MC2R: variants seen among roughly 807,000 people sequenced by gnomAD.
MC2R encodes adrenocorticotropic hormone receptor.
MC2R carries 9 observed loss-of-function variants against 9.8 expected under a neutral mutation model. That is an observed-to-expected ratio of 0.92 (90% confidence interval 0.55 to 1.60). The LOEUF is 1.60. Ranked by LOEUF, MC2R falls within the 40% of genes most tolerant of loss-of-function variation. MC2R has a pLI of 0.00. For missense variants in MC2R, 370 were observed against 389.0 expected, an observed-to-expected ratio of 0.95 and a Z score of 0.41; for synonymous variants, 185 against 154.7, an observed-to-expected ratio of 1.20 and a Z score of -1.45.
At chr18:13,900,252 A>G (rs1035311644) in intron 1 of MC2R, among the ~76,000 whole-genome samples, 4 of 152,182 alleles carry the variant, frequency 2.6e-5, no homozygotes, top group Admixed American at 1.3e-4. Flanking sequence ...ACCAAAAAAC[A>G]TACAATGGAT....
Position 13,884,767 on chromosome 18 carries a change from C to G in MC2R, c.752G>C (p.Cys251Ser), listed in dbSNP as rs104894662. The stretch of plus-strand genomic sequence containing the variant: ...CTGGAAGAGAGACATGTAGCAGGCG[C>G]AGTAGGGGTTACTTGGGCAGAATGT... ...LMTFCPSNPY[C>S]ACYMSLFQVN... The change falls in exon 2 of 2, where the codon TGC (cysteine) becomes TCC (serine). Residue 251 changes from cysteine (C) to serine (S), a missense_variant. Transcript: ENST00000327606. 2 of 1,613,956 alleles carry G rather than the reference C, an allele frequency of 1.2e-6. No individual in the cohort carries two copies. Among genetic ancestry groups the G allele is most frequent in the Non-Finnish European group, 1.7e-6 (2 of 1,180,008 alleles).
chr18:13,895,859 C>G (rs749881291), intron 1 of MC2R, among the ~76,000 whole-genome samples: 1 of 152,180 alleles, frequency 6.6e-6, no homozygotes, highest in Non-Finnish European at 1.5e-5. Context: ...CACCATGAGG[C>G]AGCGAGAAGC....
At chr18:13,903,833 T>A (rs1687482862) in intron 1 of MC2R, among the ~76,000 whole-genome samples, 1 of 152,132 alleles carries the variant, frequency 6.6e-6, no homozygotes, top group South Asian at 2.1e-4. Flanking sequence ...AATAAAAAAA[T>A]GCAGCCTTAA....
chr18:13,913,699 C>T (rs953668589), intron 1 of MC2R, among the ~76,000 whole-genome samples: 1 of 152,226 alleles, frequency 6.6e-6, no homozygotes, highest in Non-Finnish European at 1.5e-5. Flanking sequence ...CGTCCTTCCT[C>T]ACTTCTCACA....
At chr18:13,903,075 A>C (rs573799510) in intron 1 of MC2R, among the ~76,000 whole-genome samples, 32 of 152,374 alleles carry the variant, frequency 2.1e-4, no homozygotes, top group South Asian at 1.2e-3. Context: ...CACATGGCAA[A>C]CAGGCATATG....
At chr18:13,891,626 G>A (rs1233464766) in intron 1 of MC2R, among the ~76,000 whole-genome samples, 3 of 152,152 alleles carry the variant, frequency 2.0e-5, no homozygotes, top group Non-Finnish European at 4.4e-5. Context: ...ACACATCTGG[G>A]GACTGTTTCA....
chr18:13,888,572 C>T (rs1472145882), intron 1 of MC2R, among the ~76,000 whole-genome samples: 2 of 152,240 alleles, frequency 1.3e-5, no homozygotes, highest in Non-Finnish European at 2.9e-5. Flanking sequence ...ACTCCTTTCA[C>T]AAGTGGCAAG....
chr18:13,908,706 TTGTGTG>T (rs57512236), intron 1 of MC2R, among the ~76,000 whole-genome samples: 54 of 142,576 alleles, frequency 3.8e-4, no homozygotes, highest in Non-Finnish European at 3.9e-4. Context: ...CAGGAGCTTC[TTGTGTG>T]TGTGTGTGTG....
intron 1 of MC2R, among the ~76,000 whole-genome samples, chr18:13,903,042 G>A (rs2045389660): frequency 6.6e-6 from 1 of 152,174 alleles, no homozygotes; most frequent in South Asian, 2.1e-4. Context: ...GATTTGAATA[G>A]ATGTATCTCT....
chr18:13,905,168 A>C (rs1036002070), intron 1 of MC2R, among the ~76,000 whole-genome samples: 10 of 152,216 alleles, frequency 6.6e-5, no homozygotes, highest in Non-Finnish European at 1.2e-4. Flanking sequence ...CAGAATTTAC[A>C]AGGAACTTAA....
intron 1 of MC2R, among the ~76,000 whole-genome samples, chr18:13,902,205 T>C (rs114071162): frequency 0.027 from 4,115 of 152,140 alleles, 69 homozygotes; most frequent in South Asian, 0.056. Context: ...AACATCTCTT[T>C]ATAATAAAAC....
In MC2R at chr18:13,884,686, A is replaced by T. The variant is rs28926182; in HGVS notation, c.833T>A (p.Phe278Tyr). Residue 278 changes from phenylalanine to tyrosine, a missense_variant, in exon 2 of 2, where the codon TTC (phenylalanine) becomes TAC (tyrosine). Phe to Tyr is a conservative substitution (Grantham distance 22). Transcript: ENST00000327606. The stretch of plus-strand genomic sequence containing the variant: ...TGCGTCCCTGAGCTCTGGGCTCCGG[A>T]AGGCATATATGAAGGGGTCAATGAC... Reference protein sequence around the residue: ...NAVIDPFIYAFRSPELRDAFK... With the variant: ...NAVIDPFIYAYRSPELRDAFK... 3.7e-6 allele frequency: 6 copies of T among 1,614,126 alleles called. No individual in the cohort carries two copies. The highest frequency in any genetic ancestry group is 1.3e-5 in the African/African-American group (1 of 75,036).
intron 1 of MC2R, among the ~76,000 whole-genome samples, chr18:13,905,119 A>T (rs115467344): frequency 0.012 from 1,886 of 152,270 alleles, 23 homozygotes; most frequent in African/African-American, 0.043. Context: ...AATAGGATAA[A>T]TTTTTTGCAA....
rs527416270 is a variant in MC2R at position 13,887,112 on chromosome 18, C to G, written c.-128-1466G>C. Among the ~76,000 whole-genome samples, 16 of 152,360 alleles carry G rather than the reference C, an allele frequency of 1.1e-4. No individual in the cohort carries two copies. The South Asian group carries it at 2.5e-3, about 24-fold the overall frequency. On this transcript the variant is annotated intron_variant, in intron 1 of 1. Coordinates refer to ENST00000327606, the MANE Select transcript of MC2R (RefSeq NM_000529.2). ...ACAGGGATGAGTCACCTTCGTGCCT[C>G]CTGCCCAGGCCCGGGGAAGCCTGTG...
intron 1 of MC2R, among the ~76,000 whole-genome samples, chr18:13,890,225 A>T (rs1480507541): frequency 6.6e-6 from 1 of 152,174 alleles, no homozygotes; most frequent in Non-Finnish European, 1.5e-5. Flanking sequence ...TGCTACAGAA[A>T]GCCTTTGAGC....
intron 1 of MC2R, among the ~76,000 whole-genome samples, chr18:13,894,351 C>A (rs1209152332): frequency 2.0e-5 from 3 of 152,054 alleles, no homozygotes; most frequent in Non-Finnish European, 4.4e-5. Context: ...GAGAGCTTTT[C>A]GTGGAAGTTA....
rs28926178 is a variant in MC2R, at chr18:13,885,439, G to T, written c.80C>A (p.Pro27Gln). 1.7e-5 allele frequency: 27 copies of T among 1,613,814 alleles called. No homozygotes were observed. Among genetic ancestry groups the T allele is most frequent in the Non-Finnish European group, 2.2e-5 (26 of 1,179,928 alleles). ...GGAAATTGTGAAAAATATCTCCTCCGGCAAAACCACACGAGGACAGTCGGA... is the reference window on the plus strand; with the variant it reads ...GGAAATTGTGAAAAATATCTCCTCCTGCAAAACCACACGAGGACAGTCGGA... ...NNSDCPRVVL[P>Q]EEIFFTISIV... Residue 27 changes from proline to glutamine, a missense_variant, in exon 2 of 2, where the codon CCG becomes CAG. Pro to Gln is a moderately conservative substitution (Grantham distance 76). Transcript: ENST00000327606.
At chr18:13,909,779 T>A (rs758992169) in intron 1 of MC2R, among the ~76,000 whole-genome samples, 1 of 152,168 alleles carries the variant, frequency 6.6e-6, no homozygotes, top group Non-Finnish European at 1.5e-5. Flanking sequence ...TGCAAGATGT[T>A]CCAGGCTCAA....
intron 1 of MC2R, among the ~76,000 whole-genome samples, chr18:13,888,978 G>A (rs1009922558): frequency 1.3e-5 from 2 of 152,142 alleles, no homozygotes; most frequent in South Asian, 2.1e-4. Context: ...TTTCTTCACT[G>A]CAAACAACAC....
Sources: allele counts gnomAD v4.1 joint callset (sites outside exome capture counted in the v4.1 genomes callset), GRCh38; gene constraint gnomAD v4.1.1; transcripts MANE v1.5; gene names NCBI Gene and HGNC (gene_info 2026-07-23, HGNC 2026-07-21).